Variants in SAMD12 observed in about 807,000 individuals in gnomAD.
SAMD12 encodes the protein sterile alpha motif domain containing 12, also known as sterile alpha motif domain-containing protein 12.
A neutral mutation model predicts 15.0 loss-of-function variants in SAMD12; 9 were observed. The ratio of observed to expected loss-of-function variants is 0.60; its 90% CI spans 0.36 to 1.05. SAMD12 has a LOEUF of 1.05. SAMD12 is among the 50% of genes least tolerant of loss of function. The probability of loss-of-function intolerance (pLI) is 0.01; values close to 1 mark genes in which losing one functional copy is unlikely to be tolerated. For missense variants in SAMD12, 230 were observed against 234.2 expected (o/e 0.98, Z 0.12); for synonymous variants, 86 against 90.1 (o/e 0.96, Z 0.25).
At chr8:118,513,870 G>T (rs1825154239) in intron 2 of SAMD12, among the ~76,000 whole-genome samples, 1 of 152,148 alleles carries the variant, frequency 6.6e-6, no homozygotes, top group South Asian at 2.1e-4. Context: ...GGGAATCATT[G>T]CTAACCAAAA....
At chr8:118,321,106 T>TATATGATATATATAACATATATA (rs1816229633) in intron 4 of SAMD12, among the ~76,000 whole-genome samples, 2 of 41,808 alleles carry the variant, frequency 4.8e-5, no homozygotes, top group African/African-American at 3.5e-4. Flanking sequence ...ACATATATAA[T>TATATGATATATATAACATATATA]ATATATGATA....
chr8:118,503,063 C>A (rs1202406725), intron 2 of SAMD12, among the ~76,000 whole-genome samples: 1 of 152,156 alleles, frequency 6.6e-6, no homozygotes, highest in African/African-American at 2.4e-5. Context: ...ATCAAGGTAA[C>A]CATTTTTTAT....
chr8:118,407,730 C>G (rs896084495), intron 3 of SAMD12, among the ~76,000 whole-genome samples: 1 of 152,130 alleles, frequency 6.6e-6, no homozygotes, highest in African/African-American at 2.4e-5. Context: ...TTATTATCAA[C>G]CCATTATCAT....
chr8:118,337,941 A>C lies in SAMD12; in HGVS notation c.433+41619T>G, dbSNP rs1817165014. 2.0e-5 allele frequency among the ~76,000 whole-genome samples: 3 copies of C among 152,228 alleles called. No homozygotes were observed. In the South Asian group the frequency reaches 6.2e-4, roughly 31 times the overall value. On this transcript the variant is annotated intron_variant, in intron 4 of 4. Transcript: ENST00000409003. ...TCTTCTATCCATTAAATTGTGAAGA[A>C]ACAAAAAGAAATTAATGCATACTAT...
intron 2 of SAMD12, among the ~76,000 whole-genome samples, chr8:118,541,130 C>A (rs1477597798): frequency 6.6e-6 from 1 of 152,116 alleles, no homozygotes; most frequent in African/African-American, 2.4e-5. Flanking sequence ...ATATTGTATA[C>A]TATATTGTGT....
intron 2 of SAMD12, among the ~76,000 whole-genome samples, chr8:118,548,237 G>A (rs974248239): frequency 1.3e-5 from 2 of 152,120 alleles, no homozygotes; most frequent in African/African-American, 4.8e-5. Flanking sequence ...ATATGTTCAC[G>A]ATATTTTAAA....
chr8:118,191,570 G>A (rs1325012920), exon 5 of SAMD12: 1 of 150,868 alleles, frequency 6.6e-6, no homozygotes, highest in Non-Finnish European at 1.5e-5. Context: ...AAAAAGAACT[G>A]GGTCAGGCAC....
intron 4 of SAMD12, chr8:118,282,301 C>T (rs759315225): frequency 2.9e-5 from 13 of 456,036 alleles, no homozygotes; most frequent in Admixed American, 7.1e-5. Context: ...GCCTTGTTTT[C>T]GCCATTTTGC....
Position 118,545,782 on chromosome 8 carries a change from T to C in SAMD12, c.192+34933A>G, listed in dbSNP as rs542372402. Among the ~76,000 whole-genome samples the C allele has an allele frequency of 2.6e-5, 4 of 152,354 alleles. No homozygotes were observed. The East Asian group carries it at 5.8e-4, about 22-fold the overall frequency. On this transcript the variant is annotated intron_variant, in intron 2 of 3. Coordinates refer to ENST00000314727, the MANE Select transcript of SAMD12 (RefSeq NM_207506.3). ...TGTTAAAAGGTTTAAAAATTATGCA[T>C]CTTTGAACAGATGAAATATAGTTAA...
intron 4 of SAMD12, among the ~76,000 whole-genome samples, chr8:118,343,450 C>A (rs577242335): frequency 3.9e-5 from 6 of 152,106 alleles, no homozygotes; most frequent in South Asian, 4.2e-4. Flanking sequence ...AGCCTGCAAG[C>A]CAGTCCCAGC....
intron 2 of SAMD12, among the ~76,000 whole-genome samples, chr8:118,522,157 AACACACACAC>A (rs71292173): frequency 5.7e-5 from 4 of 69,980 alleles, no homozygotes; most frequent in Non-Finnish European, 1.3e-4. Flanking sequence ...GATTCAGTGA[AACACACACAC>A]ACACACACAC....
intron 2 of SAMD12, among the ~76,000 whole-genome samples, chr8:118,548,877 C>T (rs1276069882): frequency 6.6e-6 from 1 of 152,260 alleles, no homozygotes; most frequent in African/African-American, 2.4e-5. Flanking sequence ...GAGATTATAT[C>T]CCGCACCTGG....
chr8:118,514,551 T>A (rs1825177463), intron 2 of SAMD12, among the ~76,000 whole-genome samples: 1 of 152,232 alleles, frequency 6.6e-6, no homozygotes, highest in Non-Finnish European at 1.5e-5. Flanking sequence ...ATCTATAAGG[T>A]ATTTAAAGTG....
downstream of SAMD12, among the ~76,000 whole-genome samples, chr8:118,375,475 A>G (rs1819339115): frequency 6.6e-6 from 1 of 152,198 alleles, no homozygotes; most frequent in South Asian, 2.1e-4. Context: ...TGTTATAAAA[A>G]TAAGGATTAT....
At chr8:118,207,231 T>C in intron 4 of SAMD12, among the ~76,000 whole-genome samples, 1 of 152,246 alleles carries the variant, frequency 6.6e-6, no homozygotes, top group Non-Finnish European at 1.5e-5. Flanking sequence ...TCTCTTGAGC[T>C]AGAAGCCTGG....
At chr8:118,338,893 G>A (rs568976181) in intron 4 of SAMD12, among the ~76,000 whole-genome samples, 2 of 152,224 alleles carry the variant, frequency 1.3e-5, no homozygotes, top group South Asian at 4.1e-4. Flanking sequence ...TCAACACTCC[G>A]TAAAATGTTG....
At chr8:118,366,948 A>C (rs1236823129) in intron 4 of SAMD12, among the ~76,000 whole-genome samples, 1 of 151,656 alleles carries the variant, frequency 6.6e-6, no homozygotes, top group Non-Finnish European at 1.5e-5. Context: ...GGATACTAAG[A>C]ATGGAAGTAT....
At chr8:118,179,714 C>T in the SAMD12 span, among the ~76,000 whole-genome samples, 44 of 152,264 alleles carry the variant, frequency 2.9e-4, no homozygotes, top group African/African-American at 1.0e-3. Flanking sequence ...AGGTCATATT[C>T]TGATTTAGGC....
intron 2 of SAMD12, among the ~76,000 whole-genome samples, chr8:118,508,019 G>A (rs1231393330): frequency 2.1e-5 from 3 of 140,240 alleles, no homozygotes; most frequent in Non-Finnish European, 1.5e-5. Flanking sequence ...TTTGAGACAG[G>A]GTCTCGCTCT....
Sources: gnomAD v4.1 joint callset for allele counts (sites outside exome capture counted in the v4.1 genomes callset) on GRCh38, gnomAD v4.1.1 for gene constraint, MANE v1.5 for transcripts, NCBI Gene and HGNC (gene_info 2026-07-23, HGNC 2026-07-21) for gene names.